GABRA3: variants seen among roughly 807,000 people sequenced by gnomAD.
The protein encoded by GABRA3 is gamma-aminobutyric acid type A receptor subunit alpha3.
A neutral mutation model predicts 30.1 loss-of-function variants in GABRA3; 10 were observed. The ratio of observed to expected loss-of-function variants is 0.33; its 90% CI spans 0.20 to 0.56. The LOEUF is 0.56. Ranked by LOEUF, GABRA3 falls within the 20% of genes least tolerant of loss-of-function variation. The pLI, the probability that GABRA3 is intolerant of heterozygous loss-of-function variation, is 0.89. For synonymous variants in GABRA3, 151 were observed against 146.8 expected (o/e 1.03, Z -0.21); for missense variants, 233 against 392.0 (o/e 0.59, Z 3.42).
intron 4 of GABRA3, among the ~76,000 whole-genome samples, chrX:152,262,718 A>C (rs1354759861): frequency 8.9e-6 from 1 of 111,763 alleles, no homozygotes; most frequent in Admixed American, 9.5e-5. Context: ...GTCTCTAGAA[A>C]GTTCCAAACT....
chrX:152,349,783 C>T lies in GABRA3; in HGVS notation c.141-4081G>A, dbSNP rs1446030583. 4.5e-4 allele frequency among the ~76,000 whole-genome samples: 35 copies of T among 76,996 alleles called. No individual in the cohort carries two copies. The South Asian group carries it at 0.027, about 59-fold the overall frequency. The allele number at this position is 76,996 out of a possible 115,157, so 66.9% of individuals were successfully genotyped here. A position where few individuals can be genotyped will look rare whatever the true frequency, so the allele number is the denominator to read the frequency against. On this transcript the variant is annotated intron_variant, in intron 2 of 9. Coordinates refer to ENST00000370314, the MANE Select transcript of GABRA3 (RefSeq NM_000808.4). ...ATCCTAAATATATATGCACCCAATA[C>T]AGGAGCACCCAGATTCATAAAGCAA...
At chrX:152,196,395 T>A (rs1603206089) in intron 8 of GABRA3, among the ~76,000 whole-genome samples, 1 of 71,063 alleles carries the variant, frequency 1.4e-5, no homozygotes. Flanking sequence ...TGAAACTCCG[T>A]CTCAAAAAAA....
At chrX:152,401,585 C>T (rs956833693) in intron 1 of GABRA3, among the ~76,000 whole-genome samples, 6 of 111,289 alleles carry the variant, frequency 5.4e-5, no homozygotes, top group Non-Finnish European at 7.5e-5. Context: ...GAACTGAAAA[C>T]CTCTGACTCT....
At chrX:152,442,392 A>G (rs888176873) in intron 1 of GABRA3, among the ~76,000 whole-genome samples, 2 of 110,698 alleles carry the variant, frequency 1.8e-5, no homozygotes, top group African/African-American at 3.3e-5. Flanking sequence ...AAAAAAAGGG[A>G]AAAAAAACAA....
At chrX:152,286,139 GTTATATAC>G (rs1190032927) in intron 3 of GABRA3, among the ~76,000 whole-genome samples, 5 of 99,146 alleles carry the variant, frequency 5.0e-5, no homozygotes, top group African/African-American at 7.3e-5. Context: ...TAGTATATAA[GTTATATAC>G]TTATATACTA....
intron 3 of GABRA3, among the ~76,000 whole-genome samples, chrX:152,344,881 G>A (rs1940367983): frequency 9.0e-6 from 1 of 111,468 alleles, no homozygotes; most frequent in African/African-American, 3.3e-5. Context: ...TACATTTTGG[G>A]GATAATTGGA....
At chrX:152,402,243 C>T (rs1270089780) in intron 1 of GABRA3, among the ~76,000 whole-genome samples, 1 of 111,779 alleles carries the variant, frequency 8.9e-6, no homozygotes, top group East Asian at 2.8e-4. Flanking sequence ...GAAAACTTTT[C>T]TCTATTCTGC....
At position 152,309,313 on chromosome X, in the gene GABRA3, C is replaced by T. The variant is rs1008107173; in HGVS notation, c.263-24578G>A. On this transcript the variant is annotated intron_variant, in intron 3 of 9. Coordinates refer to ENST00000370314, the MANE Select transcript of GABRA3 (RefSeq NM_000808.4). ...AATCCCTGTGAGATACTATGCAAGA[C>T]GACTATCCCCAAAACACATAGTCAT... 8.1e-5 allele frequency among the ~76,000 whole-genome samples: 9 copies of T among 111,162 alleles called. No individual in the cohort carries two copies. In the East Asian group the frequency reaches 8.5e-4, roughly 10 times the overall value.
At chrX:152,417,796 A>G (rs1404854587) in intron 1 of GABRA3, among the ~76,000 whole-genome samples, 1 of 96,287 alleles carries the variant, frequency 1.0e-5, no homozygotes, top group Non-Finnish European at 2.1e-5. Context: ...AACACCGCAT[A>G]TTCTCACTCA....
intron 3 of GABRA3, among the ~76,000 whole-genome samples, chrX:152,335,531 G>GC (rs1472728523): frequency 8.9e-6 from 1 of 111,932 alleles, no homozygotes; most frequent in Non-Finnish European, 1.9e-5. Flanking sequence ...GAAAAAGAAA[G>GC]CTAGAAGGAG....
chrX:152,180,572 T>A (rs1054852991), intron 9 of GABRA3, among the ~76,000 whole-genome samples: 1 of 112,428 alleles, frequency 8.9e-6, no homozygotes, highest in Non-Finnish European at 1.9e-5. Context: ...TGTCTATTTG[T>A]ACTCTTGTTG....
At chrX:152,334,507 C>T (rs1295995028) in intron 3 of GABRA3, among the ~76,000 whole-genome samples, 1 of 111,641 alleles carries the variant, frequency 9.0e-6, no homozygotes, top group Non-Finnish European at 1.9e-5. Flanking sequence ...GATATGAAAA[C>T]ATGAAGAACT....
At chrX:152,260,149 GC>G (rs774807487) in intron 4 of GABRA3, among the ~76,000 whole-genome samples, 69 of 110,561 alleles carry the variant, frequency 6.2e-4, no homozygotes, top group African/African-American at 2.2e-3. Flanking sequence ...AGGCTCCTCT[GC>G]CTATGAAAAG....
chrX:152,199,275 A>C (rs948109723), intron 7 of GABRA3, among the ~76,000 whole-genome samples: 1 of 105,290 alleles, frequency 9.5e-6, no homozygotes, highest in African/African-American at 3.3e-5. Context: ...CTGAGGCAGG[A>C]GAATGGCGTG....
At chrX:152,404,527 C>A (rs764807424) in intron 1 of GABRA3, among the ~76,000 whole-genome samples, 52 of 110,426 alleles carry the variant, frequency 4.7e-4, no homozygotes, top group Middle Eastern at 4.7e-3. Context: ...ACCTGCACTA[C>A]CCTAGCCAAA....
chrX:152,174,327 A>C (rs1253452646), intron 9 of GABRA3, among the ~76,000 whole-genome samples: 2 of 111,722 alleles, frequency 1.8e-5, no homozygotes, highest in African/African-American at 6.5e-5. Flanking sequence ...GGCTGGGTCA[A>C]ATGGTATTTC....
At chrX:152,216,651 G>C (rs986756319) in intron 6 of GABRA3, among the ~76,000 whole-genome samples, 1 of 109,563 alleles carries the variant, frequency 9.1e-6, no homozygotes, top group African/African-American at 3.3e-5. Context: ...AAGGAGAAGA[G>C]AGAGGGCCTG....
chrX:152,377,359 C>T (rs907734908), intron 1 of GABRA3, among the ~76,000 whole-genome samples: 2 of 110,901 alleles, frequency 1.8e-5, no homozygotes, highest in Admixed American at 9.6e-5. Context: ...TGAAAGAAAT[C>T]GGGTGTTAAT....
At chrX:152,176,101 T>C (rs753650375) in intron 9 of GABRA3, among the ~76,000 whole-genome samples, 2 of 106,982 alleles carry the variant, frequency 1.9e-5, no homozygotes, top group Non-Finnish European at 3.9e-5. Flanking sequence ...AATAAATAAA[T>C]AAATAAATAG....
Sources: allele counts gnomAD v4.1 joint callset (sites outside exome capture counted in the v4.1 genomes callset), GRCh38; gene constraint gnomAD v4.1.1; transcripts MANE v1.5; gene names NCBI Gene and HGNC (gene_info 2026-07-23, HGNC 2026-07-21).